ANGPT1: variants seen among roughly 807,000 people sequenced by gnomAD.
ANGPT1 encodes the protein angiopoietin 1.
A neutral mutation model predicts 62.2 loss-of-function variants in ANGPT1; 17 were observed. That is an observed-to-expected ratio of 0.27 (90% CI 0.19 to 0.41). The LOEUF (loss-of-function observed/expected upper bound fraction) is 0.41, where lower values mean the gene tolerates loss of function less well. Among genes scored for constraint, ANGPT1 ranks in the 10% least tolerant of loss-of-function variants. The pLI is 1.00. For missense variants in ANGPT1, 478 were observed against 594.9 expected (o/e 0.80, Z 2.04); for synonymous variants, 199 against 198.9 (o/e 1.00, Z 0.00).
At chr8:107,319,993 T>C (rs1333480801) in intron 4 of ANGPT1, among the ~76,000 whole-genome samples, 1 of 152,140 alleles carries the variant, frequency 6.6e-6, no homozygotes. Flanking sequence ...TTTCAGAGTT[T>C]TGTCATTAAA....
intron 4 of ANGPT1, among the ~76,000 whole-genome samples, chr8:107,308,539 C>A (rs533504292): frequency 5.0e-4 from 76 of 152,206 alleles, no homozygotes; most frequent in Admixed American, 3.1e-3. Flanking sequence ...ACATTGGGAA[C>A]ATGCAAGAAT....
At chr8:107,362,286 A>G (rs1390339721) in intron 1 of ANGPT1, among the ~76,000 whole-genome samples, 4 of 152,210 alleles carry the variant, frequency 2.6e-5, no homozygotes, top group African/African-American at 9.6e-5. Flanking sequence ...ACAAGTATAT[A>G]AACAGATATC....
intron 5 of ANGPT1, among the ~76,000 whole-genome samples, chr8:107,301,498 G>A (rs1206220951): frequency 1.3e-5 from 2 of 151,714 alleles, no homozygotes; most frequent in African/African-American, 4.8e-5. Flanking sequence ...TGTGATTTTA[G>A]GATATCTTCC....
chr8:107,285,933 G>A (rs1294106542), intron 6 of ANGPT1, among the ~76,000 whole-genome samples: 1 of 152,042 alleles, frequency 6.6e-6, no homozygotes, highest in African/African-American at 2.4e-5. Context: ...CATTCCAATA[G>A]GGTTGTTTTG....
chr8:107,363,005 G>T (rs181614645), intron 1 of ANGPT1, among the ~76,000 whole-genome samples: 2 of 152,004 alleles, frequency 1.3e-5, no homozygotes, highest in Non-Finnish European at 2.9e-5. Flanking sequence ...CCACAGGCAG[G>T]TAGAATGTTG....
At chr8:107,391,592 G>A (rs1375990904) in intron 1 of ANGPT1, among the ~76,000 whole-genome samples, 14 of 152,232 alleles carry the variant, frequency 9.2e-5, no homozygotes, top group Non-Finnish European at 1.6e-4. Context: ...GCTTGAACCC[G>A]AGAGGCTGAG....
At chr8:107,474,147 T>A (rs1438481764) in intron 1 of ANGPT1, among the ~76,000 whole-genome samples, 1 of 152,068 alleles carries the variant, frequency 6.6e-6, no homozygotes, top group Non-Finnish European at 1.5e-5. Flanking sequence ...AAGAGAATTT[T>A]AGATGAATAT....
chr8:107,369,349 G>A (rs1476665354), intron 1 of ANGPT1, among the ~76,000 whole-genome samples: 3 of 152,160 alleles, frequency 2.0e-5, no homozygotes, highest in African/African-American at 7.2e-5. Flanking sequence ...CTAGGTTTTG[G>A]CTTAAGGTAA....
intron 4 of ANGPT1, among the ~76,000 whole-genome samples, chr8:107,320,485 A>G (rs1485975311): frequency 6.6e-6 from 1 of 152,202 alleles, no homozygotes; most frequent in Non-Finnish European, 1.5e-5. Context: ...TCAATATGAG[A>G]ATAGATATAA....
intron 1 of ANGPT1, among the ~76,000 whole-genome samples, chr8:107,362,143 C>T (rs567610900): frequency 1.3e-5 from 2 of 152,272 alleles, no homozygotes; most frequent in East Asian, 3.9e-4. Flanking sequence ...CACATACTTT[C>T]TTATATAAAC....
intron 1 of ANGPT1, among the ~76,000 whole-genome samples, chr8:107,425,518 T>C (rs1223709021): frequency 1.3e-5 from 2 of 152,152 alleles, no homozygotes; most frequent in Non-Finnish European, 2.9e-5. Flanking sequence ...CCCGGCATGC[T>C]TATCTTGCTT....
intron 1 of ANGPT1, among the ~76,000 whole-genome samples, chr8:107,409,190 A>T (rs903601553): frequency 1.3e-5 from 2 of 152,184 alleles, no homozygotes; most frequent in Non-Finnish European, 2.9e-5. Context: ...TTGTTTATTT[A>T]AAATAGCCCC....
chr8:107,497,278 G>A lies in ANGPT1; in HGVS notation c.281C>T (p.Thr94Ile). The A allele has an allele frequency of 1.2e-6, 2 of 1,614,152 alleles. No homozygotes were observed. Among genetic ancestry groups the A allele is most frequent in the Non-Finnish European group, 1.7e-6 (2 of 1,179,996 alleles). ...QHLEHVMENY[T>I]QWLQKLENYI... ...ATCACTTACTTTTTGCAGCCACTGA[G>A]TATAATTTTCCATCACATGTTCCAG... The change falls in exon 1 of 9, where the codon ACT becomes ATT. Residue 94 changes from threonine to isoleucine, a missense_variant. By Grantham distance (89) the Thr-to-Ile change is moderately conservative. Around this residue, in one of 4 missense-constraint regions of ANGPT1, gnomAD observed 343 missense variants for 355.4 expected, o/e 0.97. Transcript: ENST00000517746.
chr8:107,451,864 C>T (rs905818185), intron 1 of ANGPT1, among the ~76,000 whole-genome samples: 1 of 151,896 alleles, frequency 6.6e-6, no homozygotes, highest in African/African-American at 2.4e-5. Context: ...ACTGCCAGAA[C>T]TCTTAGTTTA....
At chr8:107,426,428 C>T (rs1252931864) in intron 1 of ANGPT1, among the ~76,000 whole-genome samples, 1 of 152,150 alleles carries the variant, frequency 6.6e-6, no homozygotes, top group Non-Finnish European at 1.5e-5. Flanking sequence ...GTTACAGTGT[C>T]AAGAAATAAT....
In ANGPT1 at chr8:107,278,994, C is replaced by T. The variant is rs75387831; in HGVS notation, c.1205+5688G>A. On this transcript the variant is annotated intron_variant, in intron 7 of 8. Coordinates refer to ENST00000517746, the MANE Select transcript of ANGPT1 (RefSeq NM_001146.5). ...CTGAACACTGACAAATACAACCATG[C>T]CAGTTTCCCAGGTGGTAGAGCCAGA... 7.3e-3 allele frequency among the ~76,000 whole-genome samples: 1,107 copies of T among 152,286 alleles called. 13 individuals carry two copies. The highest frequency in any genetic ancestry group is 0.025 in the African/African-American group (1,020 of 41,542).
intron 1 of ANGPT1, among the ~76,000 whole-genome samples, chr8:107,437,498 G>A (rs1318137121): frequency 6.6e-6 from 1 of 152,156 alleles, no homozygotes; most frequent in Non-Finnish European, 1.5e-5. Flanking sequence ...TGGTTTCAAG[G>A]CAATTATATT....
intron 3 of ANGPT1, among the ~76,000 whole-genome samples, chr8:107,331,781 CAT>C (rs763945920): frequency 6.6e-6 from 1 of 152,310 alleles, no homozygotes; most frequent in East Asian, 1.9e-4. Flanking sequence ...ATGGCCATCA[CAT>C]GTCTCGTTTC....
intron 3 of ANGPT1, among the ~76,000 whole-genome samples, chr8:107,325,966 T>G (rs181392315): frequency 1.3e-5 from 2 of 152,162 alleles, no homozygotes; most frequent in Non-Finnish European, 2.9e-5. Flanking sequence ...TTCTGGACAC[T>G]GGCTTGTGGA....
Sources: gnomAD v4.1 joint callset for allele counts (sites outside exome capture counted in the v4.1 genomes callset) on GRCh38, gnomAD v4.1.1 for gene constraint, gnomAD v4.1.1 regional missense constraint, MANE v1.5 for transcripts, NCBI Gene and HGNC (gene_info 2026-07-23, HGNC 2026-07-21) for gene names.